Variants in AHSA1 observed in about 807,000 individuals in gnomAD.
AHSA1 encodes activator of HSP90 ATPase activity 1, also known as activator of 90 kDa heat shock protein ATPase homolog 1.
Under a neutral mutation model 46.1 loss-of-function variants are expected in AHSA1, and 14 were observed. The observed-to-expected ratio is 0.30, with a 90% CI of 0.20 to 0.47. The LOEUF (loss-of-function observed/expected upper bound fraction) is 0.47, where lower values mean the gene tolerates loss of function less well. Among genes scored for constraint, AHSA1 ranks in the 20% least tolerant of loss-of-function variants. The pLI, the probability that AHSA1 is intolerant of heterozygous loss-of-function variation, is 0.99. For synonymous variants in AHSA1, 147 were observed against 145.8 expected (o/e 1.01, Z -0.06); for missense variants, 333 against 415.9 (o/e 0.80, Z 1.73).
Position 77,468,562 on chromosome 14 carries a change from ATTTTTTTT to A in AHSA1, c.844+66_844+73del, listed in dbSNP as rs36001778. 6.4e-6 allele frequency: 7 copies of A among 1,090,852 alleles called. No homozygotes were observed. In the East Asian group the frequency reaches 8.2e-5, roughly 13 times the overall value. 67.6% of individuals were successfully genotyped at this position (1,090,852 alleles called of 1,614,324 possible). On this transcript the variant is annotated intron_variant, in intron 8 of 8. Transcript: ENST00000216479. ...CCCAGAACTTTTTCTCTTTGCTGTA[ATTTTTTTT>A]TTTTTTTTTTTGGAAACAGGGTCTC...
intron 2 of AHSA1, 114 bp downstream of exon 2, chr14:77,459,920 G>A: frequency 8.2e-7 from 1 of 1,213,112 alleles, no homozygotes; most frequent in Non-Finnish European, 1.2e-6. Flanking sequence ...GGCAGATGTT[G>A]CTGCTTTGGA....
At chr14:77,462,309 C>G in intron 3 of AHSA1, 67 bp downstream of exon 3, 1 of 1,468,306 alleles carries the variant, frequency 6.8e-7, no homozygotes, top group Non-Finnish European at 9.5e-7. Context: ...GAAAAGTGAC[C>G]TGTCATTCAG....
At chr14:77,464,020 T>C (rs899536196) in intron 4 of AHSA1, among the ~76,000 whole-genome samples, 1 of 152,286 alleles carries the variant, frequency 6.6e-6, no homozygotes, top group African/African-American at 2.4e-5. Flanking sequence ...CATCCTTCCA[T>C]AGTAGACCTC....
Position 77,468,136 on chromosome 14 carries a change from A to G in AHSA1, c.744A>G (p.Gly248=). The G allele has an allele frequency of 1.9e-6, 3 of 1,563,474 alleles. No homozygotes were observed. The highest frequency in any genetic ancestry group is 1.7e-4 in the Middle Eastern group (1 of 5,992). The part of the protein sequence containing the change: ...APATLEADRG[G]KFHMVDGNVS... ...CAACATTAGAAGCAGACAGAGGTGG[A>G]AAGTTCCACATGGTAGATGGCAACG... Residue 248 remains glycine, a synonymous_variant, in exon 7 of 9, where the codon GGA becomes GGG. Coordinates refer to ENST00000216479, the MANE Select transcript of AHSA1 (RefSeq NM_012111.3).
chr14:77,465,967 T>C lies in AHSA1; in HGVS notation c.690+300T>C, dbSNP rs562458196. Reference sequence around the variant, plus strand: ...TCAGCGTCCTGAACAGCTGGTACTATAGGCACACGCCATCACGCCTAGCTA... The same window carrying C: ...TCAGCGTCCTGAACAGCTGGTACTACAGGCACACGCCATCACGCCTAGCTA... On this transcript the variant is annotated intron_variant, in intron 6 of 8. Coordinates refer to ENST00000216479, the MANE Select transcript of AHSA1 (RefSeq NM_012111.3). Among the ~76,000 whole-genome samples the C allele has an allele frequency of 2.0e-5, 3 of 152,236 alleles. No individual in the cohort carries two copies. In the South Asian group the frequency reaches 6.2e-4, roughly 32 times the overall value.
intron 1 of AHSA1, 126 bp downstream of exon 1, chr14:77,458,395 C>A: frequency 1.0e-6 from 1 of 959,134 alleles, no homozygotes. Context: ...GGGGGTGGGT[C>A]CTTCCTGTGG....
chr14:77,462,713 A>C lies in AHSA1; in HGVS notation c.426A>C (p.Lys142Asn). 1 of 1,614,130 alleles carries C rather than the reference A, an allele frequency of 6.2e-7. No individual in the cohort carries two copies. Among genetic ancestry groups the C allele is most frequent in the East Asian group, 2.2e-5 (1 of 44,878 alleles). Reference sequence around the variant, plus strand: ...CCTTAATGAAGGAAGAAGGGGTGAAACTTCTAAGAGAAGCAATGGGAATTT... The same window carrying C: ...CCTTAATGAAGGAAGAAGGGGTGAACCTTCTAAGAGAAGCAATGGGAATTT... ...LVALMKEEGV[K>N]LLREAMGIYI... is the part of the protein sequence containing the mutation. The change falls in exon 4 of 9, where the codon AAA becomes AAC. Residue 142 changes from lysine (K) to asparagine (N), a missense_variant. Transcript: ENST00000216479.
chr14:77,459,972 A>G (rs1032152946), intron 2 of AHSA1, 166 bp downstream of exon 2: 1 of 734,324 alleles, frequency 1.4e-6, no homozygotes, highest in Non-Finnish European at 2.2e-6. Context: ...TTTCTTTGCC[A>G]TTGTGGGATG....
intron 5 of AHSA1, 61 bp from the exon 6 acceptor site, chr14:77,465,478 C>G (rs1200652533): frequency 6.4e-7 from 1 of 1,566,160 alleles, no homozygotes; most frequent in African/African-American, 1.4e-5. Context: ...GTCTCTGAAG[C>G]CACGTTGATT....
intron 2 of AHSA1, among the ~76,000 whole-genome samples, chr14:77,461,875 A>G (rs2079026733): frequency 6.6e-6 from 1 of 152,260 alleles, no homozygotes; most frequent in Non-Finnish European, 1.5e-5. Flanking sequence ...TAGCAGAACT[A>G]CTGGCTTTTG....
chr14:77,458,078 C>G (rs984968944), upstream of AHSA1: 70 of 926,364 alleles, frequency 7.6e-5, no homozygotes, highest in Non-Finnish European at 9.4e-5. Flanking sequence ...CCAGGAGGTG[C>G]TTGCGGCCGC....
At chr14:77,464,263 G>A (rs920997537) in intron 4 of AHSA1, among the ~76,000 whole-genome samples, 12 of 152,128 alleles carry the variant, frequency 7.9e-5, no homozygotes, top group African/African-American at 2.9e-4. Flanking sequence ...TATAATCCGA[G>A]CTACTCAGGA....
intron 8 of AHSA1, chr14:77,468,842 A>T (rs2079060962): frequency 1.6e-6 from 1 of 626,686 alleles, no homozygotes; most frequent in Non-Finnish European, 2.8e-6. Context: ...TCAGCCTCCC[A>T]AAGTGCTGGG....
At chr14:77,461,929 A>G (rs1425332433) in intron 2 of AHSA1, among the ~76,000 whole-genome samples, 1 of 152,244 alleles carries the variant, frequency 6.6e-6, no homozygotes, top group Admixed American at 6.5e-5. Context: ...CCAAATCTGT[A>G]GCTCTTTGTC....
chr14:77,459,463 A>G (rs757204027), intron 1 of AHSA1, among the ~76,000 whole-genome samples, 153 bp from the exon 2 acceptor site: 10 of 152,302 alleles, frequency 6.6e-5, no homozygotes, highest in Non-Finnish European at 1.3e-4. Flanking sequence ...CTAAAAAAGA[A>G]TGACATGTTT....
intron 7 of AHSA1, 44 bp downstream of exon 7, chr14:77,468,228 A>T: frequency 7.5e-7 from 1 of 1,330,370 alleles, no homozygotes; most frequent in Non-Finnish European, 1.0e-6. Flanking sequence ...GCCTCTGGTC[A>T]GATGAGTGAC....
intron 4 of AHSA1, among the ~76,000 whole-genome samples, chr14:77,463,970 ACCCACTCTTGAAGT>A (rs1470077850): frequency 1.3e-5 from 2 of 152,248 alleles, no homozygotes; most frequent in East Asian, 3.8e-4. Flanking sequence ...TGGGTAGATT[ACCCACTCTTGAAGT>A]CATCAAAGTG....
intron 2 of AHSA1, among the ~76,000 whole-genome samples, chr14:77,461,657 G>T (rs1205981724): frequency 2.6e-5 from 4 of 152,170 alleles, no homozygotes; most frequent in Non-Finnish European, 5.9e-5. Context: ...CACAACACAC[G>T]CTGTAAACTG....
intron 8 of AHSA1, chr14:77,468,867 C>T: frequency 1.6e-6 from 1 of 639,018 alleles, no homozygotes; most frequent in Non-Finnish European, 2.7e-6. Context: ...CAGGTGCATG[C>T]CACCACGCCC....
Sources: gnomAD v4.1 joint callset for allele counts (sites outside exome capture counted in the v4.1 genomes callset) on GRCh38, gnomAD v4.1.1 for gene constraint, MANE v1.5 for transcripts, NCBI Gene and HGNC (gene_info 2026-07-23, HGNC 2026-07-21) for gene names.